The following PPP2R5C variants were observed in gnomAD, a reference collection of about 807,000 sequenced individuals.
PPP2R5C encodes the protein protein phosphatase 2 regulatory subunit B'gamma.
A neutral mutation model predicts 68.9 loss-of-function variants in PPP2R5C; 7 were observed. That is an observed-to-expected ratio of 0.10 (90% CI 0.06 to 0.19). The LOEUF (loss-of-function observed/expected upper bound fraction) is 0.19. Among genes scored for constraint, PPP2R5C ranks in the 10% least tolerant of loss-of-function variants. The probability of loss-of-function intolerance (pLI) is 1.00; values close to 1 mark genes in which losing one functional copy is unlikely to be tolerated. For missense variants in PPP2R5C, 348 were observed against 641.3 expected, an observed-to-expected ratio of 0.54 and a Z score of 4.94; for synonymous variants, 210 against 222.2, an observed-to-expected ratio of 0.95 and a Z score of 0.49.
Position 101,882,508 on chromosome 14 carries a change from T to C in PPP2R5C, c.405+237T>C, listed in dbSNP as rs912209019. The C allele has an allele frequency of 1.2e-4, 44 of 378,012 alleles. No homozygotes were observed. The highest frequency in any genetic ancestry group is 2.1e-5 in the African/African-American group (1 of 47,964). The allele number at this position is 378,012 out of a possible 1,614,324, so 23.4% of individuals were successfully genotyped here. A position where few individuals can be genotyped will look rare whatever the true frequency, so the allele number is the denominator to read the frequency against. ...ATTGTGAGTATGTTCTCAGTGAAGA[T>C]GGCCGCTGTGTTGATGGCCGTTGAA... On this transcript the variant is annotated intron_variant, in intron 3 of 13. Transcript: ENST00000334743. This position sits in a 1 kb window ranked among gnomAD's most constrained non-coding sequence, Gnocchi z 4.9.
At chr14:101,838,888 A>G (rs902934285) in intron 1 of PPP2R5C, 1 of 152,046 alleles carries the variant, frequency 6.6e-6, no homozygotes, top group Admixed American at 6.5e-5. Context: ...TACTAAAAAT[A>G]CAAAAATTAG....
rs930481348 is a variant in PPP2R5C at position 101,913,877 on chromosome 14, CACACACACACACAA to C, written c.1326+1417_1326+1430del. Among the ~76,000 whole-genome samples the C allele has an allele frequency of 6.6e-6, 1 of 150,734 alleles. No homozygotes were observed. Among genetic ancestry groups the C allele is most frequent in the South Asian group, 2.1e-4 (1 of 4,812 alleles). Reference sequence around the variant, plus strand: ...CTCGAAAACATGTGAGAAATGAATACACACACACACACAAACACACACACACGAATCAGAAGGTC... The same window carrying C: ...CTCGAAAACATGTGAGAAATGAATACACACACACACACGAATCAGAAGGTC... On this transcript the variant is annotated intron_variant, in intron 12 of 13. Transcript: ENST00000334743. The surrounding 1 kb of genome is among the most constrained non-coding windows in gnomAD (Gnocchi z 4.1).
At chr14:101,807,648 ATTTG>A (rs1385205273), upstream of PPP2R5C, among the ~76,000 whole-genome samples, 2 of 151,896 alleles carry the variant, frequency 1.3e-5, no homozygotes, top group Admixed American at 6.6e-5. Flanking sequence ...CCCTCATATT[ATTTG>A]TTTATTTATT....
chr14:101,816,897 TAA>T (rs571483735), intron 1 of PPP2R5C, among the ~76,000 whole-genome samples: 53 of 127,148 alleles, frequency 4.2e-4, no homozygotes, highest in South Asian at 6.5e-4. Flanking sequence ...ATATATTATA[TAA>T]ATATATATAT....
intron 3 of PPP2R5C, among the ~76,000 whole-genome samples, chr14:101,788,051 G>A (rs929487465): frequency 6.6e-6 from 1 of 152,174 alleles, no homozygotes; most frequent in Non-Finnish European, 1.5e-5. Flanking sequence ...GAGACAGCAA[G>A]GAAAGGGATA....
chr14:101,912,689 C>G (rs2046463760), intron 12 of PPP2R5C: 2 of 1,041,034 alleles, frequency 1.9e-6, no homozygotes, highest in Admixed American at 4.2e-5. Flanking sequence ...GACTTTTTTC[C>G]TCTGCTTTTT....
intron 13 of PPP2R5C, 105 bp from the exon 16 acceptor site, chr14:101,925,036 G>T (rs2047221254): frequency 2.0e-5 from 26 of 1,321,704 alleles, no homozygotes; most frequent in South Asian, 1.6e-4. Context: ...GCGAGTGGGT[G>T]AGGCACACGT....
rs2046488915 is a variant in PPP2R5C at position 101,913,239 on chromosome 14, C to T, written c.1326+766C>T. ...GAAAATCTTTTGTCTGAATCTTTGC[C>T]ACTCTTAAGAATTCTCAAGCTTTCC... is the stretch of plus-strand genomic sequence containing the variant. On this transcript the variant is annotated intron_variant, in intron 12 of 13. Transcript: ENST00000334743. This position sits in a 1 kb window ranked among gnomAD's most constrained non-coding sequence, Gnocchi z 4.1. Among the ~76,000 whole-genome samples, 1 of 152,180 alleles carries T rather than the reference C, an allele frequency of 6.6e-6. No homozygotes were observed. Among genetic ancestry groups the T allele is most frequent in the South Asian group, 2.1e-4 (1 of 4,834 alleles).
intron 1 of PPP2R5C, among the ~76,000 whole-genome samples, chr14:101,815,455 A>G (rs895364199): frequency 6.6e-6 from 1 of 152,106 alleles, no homozygotes; most frequent in Non-Finnish European, 1.5e-5. Flanking sequence ...GAGAAAGTTG[A>G]TAATCTTACC....
At chr14:101,910,976 C>T (rs1255565254) in intron 11 of PPP2R5C, among the ~76,000 whole-genome samples, 11 of 151,972 alleles carry the variant, frequency 7.2e-5, no homozygotes, top group African/African-American at 1.9e-4. Context: ...TGGTGGCAGG[C>T]GCCTGTGGTC....
intron 2 of PPP2R5C, among the ~76,000 whole-genome samples, chr14:101,872,572 C>T (rs1026027727): frequency 3.9e-5 from 6 of 152,082 alleles, no homozygotes; most frequent in African/African-American, 9.7e-5. Flanking sequence ...TATAGAATTC[C>T]GTGTCGACCG....
At chr14:101,772,545 G>T (rs1048913973) in intron 2 of PPP2R5C, among the ~76,000 whole-genome samples, 1 of 152,056 alleles carries the variant, frequency 6.6e-6, no homozygotes, top group Non-Finnish European at 1.5e-5. Flanking sequence ...CTGTAATCCT[G>T]GCACTTTGGG....
rs1282689159 is a variant in PPP2R5C at position 101,882,723 on chromosome 14, GT to G, written c.405+453del. On this transcript the variant is annotated intron_variant, in intron 3 of 13. Coordinates refer to ENST00000334743, the Ensembl canonical transcript of PPP2R5C. The surrounding 1 kb of genome is among the most constrained non-coding windows in gnomAD (Gnocchi z 4.9). ...AGCAGAGCGGGGGCCAGGTGTGCGG[GT>G]GGGAGGGCCATCCATCCGTGACAGG... 1 of 161,522 alleles carries G rather than the reference GT, an allele frequency of 6.2e-6. No homozygotes were observed. The highest frequency in any genetic ancestry group is 1.3e-5 in the Non-Finnish European group (1 of 74,532). 10.0% of individuals were successfully genotyped at this position (161,522 alleles called of 1,614,324 possible).
At chr14:101,864,262 T>G (rs570908659) in intron 2 of PPP2R5C, among the ~76,000 whole-genome samples, 61 of 152,270 alleles carry the variant, frequency 4.0e-4, no homozygotes, top group African/African-American at 1.5e-3. Context: ...GATTGGTGAT[T>G]GAATGAGTCG....
chr14:101,883,960 A>G (rs1161514754), intron 5 of PPP2R5C, among the ~76,000 whole-genome samples: 3 of 152,212 alleles, frequency 2.0e-5, no homozygotes, highest in Non-Finnish European at 4.4e-5. Context: ...AGGGGAGTTT[A>G]TTAGGAGAGT....
upstream of PPP2R5C, among the ~76,000 whole-genome samples, chr14:101,809,552 C>CTTTTTT (rs5811049): frequency 2.2e-5 from 2 of 92,896 alleles, no homozygotes; most frequent in East Asian, 3.0e-4. Context: ...TATACACACA[C>CTTTTTT]TTTTTTTTTT....
intron 6 of PPP2R5C, among the ~76,000 whole-genome samples, chr14:101,890,991 T>C (rs1216981582): frequency 2.6e-5 from 4 of 152,060 alleles, no homozygotes; most frequent in Non-Finnish European, 5.9e-5. Context: ...CAGGCTGGTC[T>C]CGAACTGCTG....
intron 2 of PPP2R5C, chr14:101,765,120 T>C (rs1374041971): frequency 2.8e-6 from 2 of 702,570 alleles, no homozygotes; most frequent in Admixed American, 4.0e-5. Context: ...TGCCTGAGTA[T>C]GATGCCCCAC....
chr14:101,866,395 G>A (rs1003480484), intron 2 of PPP2R5C, among the ~76,000 whole-genome samples: 2 of 152,232 alleles, frequency 1.3e-5, no homozygotes, highest in Admixed American at 1.3e-4. Flanking sequence ...AGAGTACGGT[G>A]ACCCAGCCCT....
Sources: allele counts gnomAD v4.1 joint callset (sites outside exome capture counted in the v4.1 genomes callset), GRCh38; gene constraint gnomAD v4.1.1; non-coding constraint Gnocchi (gnomAD v3.1); transcripts MANE v1.5; gene names NCBI Gene and HGNC (gene_info 2026-07-23, HGNC 2026-07-21).